Variants in CAMK2D observed in about 807,000 individuals in gnomAD.
The protein encoded by CAMK2D is calcium/calmodulin dependent protein kinase II delta, also known as calcium/calmodulin-dependent protein kinase type II subunit delta.
Under a neutral mutation model 84.0 loss-of-function variants are expected in CAMK2D, and 37 were observed. The observed-to-expected ratio is 0.44, with a 90% CI of 0.34 to 0.58. The LOEUF (loss-of-function observed/expected upper bound fraction) is 0.58, where lower values mean the gene tolerates loss of function less well. CAMK2D is among the 20% of genes least tolerant of loss of function. The probability of loss-of-function intolerance (pLI) is 0.02; values close to 1 mark genes in which losing one functional copy is unlikely to be tolerated. For missense variants in CAMK2D, 448 were observed against 652.5 expected, an observed-to-expected ratio of 0.69 and a Z score of 3.41; for synonymous variants, 202 against 212.5, an observed-to-expected ratio of 0.95 and a Z score of 0.43.
At chr4:113,462,318 GTCTGTCTGTCTGTCTGTCTGTCTA>G (rs2154107692) in intron 17 of CAMK2D, among the ~76,000 whole-genome samples, 1 of 112,510 alleles carries the variant, frequency 8.9e-6, no homozygotes, top group Non-Finnish European at 2.1e-5. Context: ...CTGTCTGTCT[GTCTGTCTGTCTGTCTGTCTGTCTA>G]TCTATCTATC....
intron 3 of CAMK2D, among the ~76,000 whole-genome samples, chr4:113,625,137 C>T (rs753166652): frequency 6.6e-6 from 1 of 152,102 alleles, no homozygotes; most frequent in Non-Finnish European, 1.5e-5. Context: ...GTACATACTT[C>T]TTTAATTCAT....
intron 15 of CAMK2D, among the ~76,000 whole-genome samples, chr4:113,501,011 G>C (rs139656100): frequency 1.3e-5 from 2 of 151,950 alleles, no homozygotes; most frequent in Admixed American, 1.3e-4. Context: ...GCATTTCACC[G>C]CATCATTTAA....
chr4:113,584,053 C>A (rs559420277), intron 4 of CAMK2D, among the ~76,000 whole-genome samples: 2 of 152,190 alleles, frequency 1.3e-5, no homozygotes, highest in African/African-American at 2.4e-5. Flanking sequence ...AAAACCCCAA[C>A]ATAATATAAG....
At chr4:113,487,067 T>C (rs2097772914) in intron 16 of CAMK2D, among the ~76,000 whole-genome samples, 3 of 152,194 alleles carry the variant, frequency 2.0e-5, no homozygotes, top group Admixed American at 2.0e-4. Flanking sequence ...AAAAATTCTT[T>C]ATTTCTACAC....
intron 3 of CAMK2D, among the ~76,000 whole-genome samples, chr4:113,620,198 TCCA>T (rs1376835215): frequency 7.2e-5 from 11 of 152,232 alleles, no homozygotes; most frequent in Admixed American, 7.2e-4. Context: ...AAAACATCTG[TCCA>T]TCCCTTGGTT....
At chr4:113,512,862 C>T (rs538445542) in intron 12 of CAMK2D, among the ~76,000 whole-genome samples, 4 of 152,336 alleles carry the variant, frequency 2.6e-5, no homozygotes, top group African/African-American at 4.8e-5. Context: ...TGAGCCACCA[C>T]GCCCGGCCAA....
chr4:113,592,336 T>C (rs749102332), intron 4 of CAMK2D, among the ~76,000 whole-genome samples: 3 of 152,176 alleles, frequency 2.0e-5, no homozygotes, highest in Non-Finnish European at 2.9e-5. Flanking sequence ...AATTGTAACT[T>C]TTCCAGATTC....
chr4:113,567,368 A>G (rs1026479648), intron 4 of CAMK2D, among the ~76,000 whole-genome samples: 11 of 152,006 alleles, frequency 7.2e-5, no homozygotes, highest in African/African-American at 2.7e-4. Flanking sequence ...GGGTTTCACC[A>G]TGTTGCCCAG....
At chr4:113,567,321 C>T (rs1430017953) in intron 4 of CAMK2D, among the ~76,000 whole-genome samples, 2 of 151,886 alleles carry the variant, frequency 1.3e-5, no homozygotes, top group Non-Finnish European at 1.5e-5. Context: ...GCACCCGCCA[C>T]CAAGCCTGGC....
At position 113,761,163 on chromosome 4, in the gene CAMK2D, C is replaced by CCAGGG. The variant is rs2099640663; in HGVS notation, c.-100_-96dup. 6 of 1,601,246 alleles carry CCAGGG rather than the reference C, an allele frequency of 3.7e-6. No individual in the cohort carries two copies. The highest frequency in any genetic ancestry group is 4.2e-6 in the Non-Finnish European group (5 of 1,177,746). ...GGGACTGGCCCCGCGGCGCTGTCAC[C>CCAGGG]CAGGGCCGCTCTTACTTTCCTGGTC... On this transcript the variant is annotated 5_prime_UTR_variant, in exon 1 of 21. Coordinates refer to ENST00000511664, the MANE Select transcript of CAMK2D (RefSeq NM_001321571.2).
chr4:113,508,953 T>C (rs2098169802), intron 13 of CAMK2D, among the ~76,000 whole-genome samples: 1 of 152,180 alleles, frequency 6.6e-6, no homozygotes, highest in Non-Finnish European at 1.5e-5. Flanking sequence ...ATAACAAACA[T>C]CATTATGTAC....
intron 16 of CAMK2D, among the ~76,000 whole-genome samples, chr4:113,476,866 C>G (rs1436669598): frequency 6.6e-6 from 1 of 152,166 alleles, no homozygotes; most frequent in Admixed American, 6.5e-5. Flanking sequence ...TACAAAGGAA[C>G]TGACTCAACC....
At chr4:113,565,676 CA>C (rs11341070) in intron 4 of CAMK2D, among the ~76,000 whole-genome samples, 13,804 of 147,736 alleles carry the variant, frequency 0.093, 921 homozygotes, top group African/African-American at 0.19. Context: ...AGAAGTCACA[CA>C]AAAAAAACGA....
At chr4:113,711,141 T>TA (rs1334139726) in intron 2 of CAMK2D, among the ~76,000 whole-genome samples, 1 of 148,736 alleles carries the variant, frequency 6.7e-6, no homozygotes, top group African/African-American at 2.4e-5. Context: ...TTATTAAATA[T>TA]AAAAATATAA....
chr4:113,499,754 G>A (rs1165395458), intron 16 of CAMK2D, among the ~76,000 whole-genome samples: 5 of 152,074 alleles, frequency 3.3e-5, no homozygotes, highest in Non-Finnish European at 1.5e-5. Flanking sequence ...TATATATAAT[G>A]AATTACAAAA....
chr4:113,535,409 G>C (rs2098483101), intron 7 of CAMK2D, among the ~76,000 whole-genome samples: 1 of 152,038 alleles, frequency 6.6e-6, no homozygotes, highest in South Asian at 2.1e-4. Context: ...GTCTAACTGG[G>C]TCCTTGCTTG....
intron 4 of CAMK2D, among the ~76,000 whole-genome samples, chr4:113,605,451 G>GA (rs1317971845): frequency 2.0e-5 from 3 of 152,048 alleles, no homozygotes; most frequent in Non-Finnish European, 2.9e-5. Flanking sequence ...TAAAAGGACA[G>GA]AAAAAAGTGT....
At chr4:113,462,282 GTGTGTGTGTGTGTCTGTC>G (rs2097389827) in intron 17 of CAMK2D, among the ~76,000 whole-genome samples, 2 of 81,326 alleles carry the variant, frequency 2.5e-5, no homozygotes, top group African/African-American at 9.2e-5. Context: ...GTGTGTGTGT[GTGTGTGTGTGTGTCTGTC>G]TGTCTGTCTG....
intron 16 of CAMK2D, among the ~76,000 whole-genome samples, chr4:113,480,110 T>C (rs1252890596): frequency 6.6e-6 from 1 of 152,010 alleles, no homozygotes; most frequent in Non-Finnish European, 1.5e-5. Context: ...TACAGGTGCA[T>C]GCCGCCACAC....
Sources: gnomAD v4.1 joint callset for allele counts (sites outside exome capture counted in the v4.1 genomes callset) on GRCh38, gnomAD v4.1.1 for gene constraint, MANE v1.5 for transcripts, NCBI Gene and HGNC (gene_info 2026-07-23, HGNC 2026-07-21) for gene names.